The following POLE variants were observed in gnomAD, a reference collection of about 807,000 sequenced individuals.
POLE encodes the protein DNA polymerase epsilon, catalytic subunit.
A neutral mutation model predicts 279.2 loss-of-function variants in POLE; 188 were observed. The observed-to-expected ratio is 0.67, with a 90% confidence interval of 0.60 to 0.76. The LOEUF (loss-of-function observed/expected upper bound fraction) is 0.76, where lower values mean the gene tolerates loss of function less well. Among genes scored for constraint, POLE ranks in the 30% least tolerant of loss-of-function variants. The pLI is 0.00. For missense variants in POLE, 2,703 were observed against 3,016.7 expected (o/e 0.90, Z 2.44); for synonymous variants, 1,214 against 1,172.5 (o/e 1.04, Z -0.72).
Position 132,643,381 on chromosome 12 carries a change from T to A in POLE, c.4444+26A>T, listed in dbSNP as rs542469315. 2.0e-5 allele frequency: 33 copies of A among 1,614,176 alleles called. No individual in the cohort carries two copies. The African/African-American group carries it at 4.0e-4, about 20-fold the overall frequency. On this transcript the variant is annotated intron_variant, in intron 34 of 48. Coordinates refer to ENST00000320574, the MANE Select transcript of POLE (RefSeq NM_006231.4). ...CCCAGATGTGTGGGAGGCAGGCACA[T>A]GATGGGCGGCTGGTGCAGGCCATAC...
intron 20 of POLE, among the ~76,000 whole-genome samples, chr12:132,666,236 T>G (rs572737194): frequency 2.0e-4 from 30 of 152,380 alleles, no homozygotes; most frequent in African/African-American, 7.2e-4. Flanking sequence ...TGAAATATTA[T>G]TCAGCCATTT....
In POLE at chr12:132,626,179, T is replaced by C. The variant is rs1172604164; in HGVS notation, c.6469A>G (p.Ile2157Val). The change falls in exon 46 of 49, where the codon ATC (isoleucine) becomes GTC (valine). Residue 2157 changes from isoleucine (I) to valine (V), a missense_variant. Ile to Val is a conservative substitution (Grantham distance 29). This residue lies in a region of POLE where 1,551 missense variants were observed against 1,686.1 expected (regional missense o/e 0.92). Coordinates refer to ENST00000320574, the MANE Select transcript of POLE (RefSeq NM_006231.4). ...CGGCAGAAGTTACAGCTGCGGCAGATGACCTCAGGAAGCACGTAGGAGCGG... is the reference window on the plus strand; with the variant it reads ...CGGCAGAAGTTACAGCTGCGGCAGACGACCTCAGGAAGCACGTAGGAGCGG... ...PCRSYVLPEV[I>V]CRSCNFCRDL... 3 of 1,613,150 alleles carry C rather than the reference T, an allele frequency of 1.9e-6. No homozygotes were observed. Among genetic ancestry groups the C allele is most frequent in the African/African-American group, 1.3e-5 (1 of 75,014 alleles).
At position 132,667,622 on chromosome 12, in the gene POLE, T is replaced by A. The variant is rs776323425; in HGVS notation, c.2200A>T (p.Ile734Phe). The A allele has an allele frequency of 6.2e-7, 1 of 1,614,136 alleles. No homozygotes were observed. The highest frequency in any genetic ancestry group is 8.5e-7 in the Non-Finnish European group (1 of 1,180,004). The change falls in exon 20 of 49, where the codon ATC becomes TTC. Residue 734 changes from isoleucine (I) to phenylalanine (F), a missense_variant. By Grantham distance (21) the Ile-to-Phe change is conservative. Around this residue, in one of 5 missense-constraint regions of POLE, gnomAD observed 1,011 missense variants for 1,111.7 expected, o/e 0.91. Coordinates refer to ENST00000320574, the MANE Select transcript of POLE (RefSeq NM_006231.4). Reference sequence around the variant, plus strand: ...CGCTCTTCCACCTTGGTGATGTGGATCTTCTTGTAGGCTTTCCGGCAGTAA... The same window carrying A: ...CGCTCTTCCACCTTGGTGATGTGGAACTTCTTGTAGGCTTTCCGGCAGTAA... ...ADYCRKAYKK[I>F]HITKVEERLT...
intron 16 of POLE, among the ~76,000 whole-genome samples, chr12:132,669,735 G>A (rs879664687): frequency 6.6e-6 from 1 of 152,190 alleles, no homozygotes; most frequent in Non-Finnish European, 1.5e-5. Context: ...GCTGGGACAA[G>A]TGAATGGCCA....
At chr12:132,650,136 GA>G in intron 29 of POLE, 1 of 501,494 alleles carries the variant, frequency 2.0e-6, no homozygotes, top group Non-Finnish European at 3.6e-6. Flanking sequence ...TTGAACCCAG[GA>G]GTTGGAGGCT....
chr12:132,637,362 C>T (rs2042054267), intron 41 of POLE, among the ~76,000 whole-genome samples: 1 of 152,238 alleles, frequency 6.6e-6, no homozygotes, highest in African/African-American at 2.4e-5. Flanking sequence ...CAACTCCCCT[C>T]TGTGCTCAGA....
Position 132,624,010 on chromosome 12 carries a change from G to A in POLE, c.*687C>T, listed in dbSNP as rs1363502508. On this transcript the variant is annotated 3_prime_UTR_variant, in exon 49 of 49. Coordinates refer to ENST00000320574, the MANE Select transcript of POLE (RefSeq NM_006231.4). ...CTGCTTCCAGCTGGTCCTGTGTGGA[G>A]GTGAAGGACAAGGGCTGCAGTGAGC... is the stretch of plus-strand genomic sequence containing the variant. The A allele has an allele frequency of 5.1e-6, 1 of 197,160 alleles. No homozygotes were observed. The highest frequency in any genetic ancestry group is 1.0e-5 in the Non-Finnish European group (1 of 95,240). The allele number at this position is 197,160 out of a possible 1,614,324, so 12.2% of individuals were successfully genotyped here. A position where few individuals can be genotyped will look rare whatever the true frequency, so the allele number is the denominator to read the frequency against.
Position 132,664,558 on chromosome 12 carries a change from C to A in POLE, c.2469-96G>T, listed in dbSNP as rs5744832. 83,339 of 903,652 alleles carry A rather than the reference C, an allele frequency of 0.092. 4,469 individuals are homozygous for A. The highest frequency in any genetic ancestry group is 0.11 in the East Asian group (4,268 of 39,646). 56.0% of individuals were successfully genotyped at this position (903,652 alleles called of 1,614,324 possible). ...AGTAGGGAGGAGGAAAGGAGAGATG[C>A]GACAGGGACAAGGGAAGCAGCCAAA... On this transcript the variant is annotated intron_variant, in intron 21 of 48. Coordinates refer to ENST00000320574, the MANE Select transcript of POLE (RefSeq NM_006231.4). This position sits in a 1 kb window ranked among gnomAD's most constrained non-coding sequence, Gnocchi z 5.3.
chr12:132,644,048 C>T (rs2138563966), intron 32 of POLE, 71 bp from the exon 33 acceptor site: 1 of 1,509,014 alleles, frequency 6.6e-7, no homozygotes, highest in South Asian at 1.2e-5. Context: ...ACACAAAGCA[C>T]ACGCTATTCG....
In POLE at chr12:132,657,337, C is replaced by A. The variant is rs1485726763; in HGVS notation, c.3459+12G>T. ...TTAGCCCCACAGCCCGTGCCACTGA[C>A]CCCGCCCTTACCTGCTGCAGGGCCG... On this transcript the variant is annotated intron_variant, in intron 28 of 48. Transcript: ENST00000320574. The A allele has an allele frequency of 1.2e-6, 2 of 1,614,094 alleles. No individual in the cohort carries two copies. The highest frequency in any genetic ancestry group is 1.7e-6 in the Non-Finnish European group (2 of 1,179,994).
chr12:132,683,324 G>A (rs930827395), intron 1 of POLE, among the ~76,000 whole-genome samples: 1 of 152,192 alleles, frequency 6.6e-6, no homozygotes, highest in Non-Finnish European at 1.5e-5. Context: ...GGATGGGAGA[G>A]AGAGGGTAGG....
chr12:132,638,016 G>C lies in POLE; in HGVS notation c.5676C>G (p.Ser1892Arg), dbSNP rs2042068018. Residue 1892 changes from serine (S) to arginine (R), a missense_variant and splice_region_variant, in exon 41 of 49, where the codon AGC becomes AGG. Ser to Arg is a moderately radical substitution (Grantham distance 110). Transcript: ENST00000320574. The part of the protein sequence containing the change: ...DAIAYVEYIT[S>R]SIHSKETFHS... ...TCACCAGGACCAGCCAGCCGCACCT[G>C]CTGGTGATGTACTCCACGTAAGCGA... 1 of 1,613,704 alleles carries C rather than the reference G, an allele frequency of 6.2e-7. No individual in the cohort carries two copies. The highest frequency in any genetic ancestry group is 8.5e-7 in the Non-Finnish European group (1 of 1,179,726).
At chr12:132,645,427 T>A (rs1386263245) in intron 32 of POLE, among the ~76,000 whole-genome samples, 1 of 152,120 alleles carries the variant, frequency 6.6e-6, no homozygotes, top group Admixed American at 6.5e-5. Flanking sequence ...GCACCCTAGC[T>A]TCATGCATGA....
intron 26 of POLE, 199 bp from the exon 27 acceptor site, chr12:132,658,169 C>A (rs912081073): frequency 1.1e-5 from 6 of 522,336 alleles, no homozygotes; most frequent in Non-Finnish European, 2.1e-5. Context: ...TGTGTAAACA[C>A]GTGCGTGTGT....
chr12:132,648,333 G>A lies in POLE; in HGVS notation c.4149+596C>T, dbSNP rs954311611. On this transcript the variant is annotated intron_variant, in intron 32 of 48. Coordinates refer to ENST00000320574, the MANE Select transcript of POLE (RefSeq NM_006231.4). The stretch of plus-strand genomic sequence containing the variant: ...TCTTTTTGGAGTGATGAAAATATCC[G>A]AATGGGGGGGTGAGGGGAGGGGGAA... Among the ~76,000 whole-genome samples, 6 of 150,738 alleles carry A rather than the reference G, an allele frequency of 4.0e-5. No individual in the cohort carries two copies. The South Asian group carries it at 8.5e-4, about 21-fold the overall frequency.
At chr12:132,673,501 T>C in intron 13 of POLE, 74 bp downstream of exon 13, 1 of 1,561,212 alleles carries the variant, frequency 6.4e-7, no homozygotes, top group Non-Finnish European at 8.7e-7. Flanking sequence ...GTGGCTCACA[T>C]GCCTGGGGCT....
At position 132,687,265 on chromosome 12, in the gene POLE, G is replaced by C. The variant is rs780436496; in HGVS notation, c.51C>G (p.Gly17=). The change falls in exon 1 of 49, where the codon GGC becomes GGG. Residue 17 remains glycine, a synonymous_variant. Coordinates refer to ENST00000320574, the MANE Select transcript of POLE (RefSeq NM_006231.4). ...GRRRADPGAD[G]EASRDDGATS... Reference sequence around the variant, plus strand: ...AGGGCGCCCCTCACCTGCTGGCCTCGCCATCCGCGCCTGGGTCCGCGCGCC... The same window carrying C: ...AGGGCGCCCCTCACCTGCTGGCCTCCCCATCCGCGCCTGGGTCCGCGCGCC... 4.0e-4 allele frequency: 594 copies of C among 1,497,356 alleles called. 3 individuals carry two copies. The African/African-American group carries it at 7.6e-3, about 19-fold the overall frequency. The allele number at this position is 1,497,356 out of a possible 1,614,324, so 92.8% of individuals were successfully genotyped here.
chr12:132,624,362 C>G lies in POLE; in HGVS notation c.*335G>C. On this transcript the variant is annotated 3_prime_UTR_variant, in exon 49 of 49. Coordinates refer to ENST00000320574, the MANE Select transcript of POLE (RefSeq NM_006231.4). Reference sequence around the variant, plus strand: ...AAGAACTAGGGGCACCTAGAGGACGCTCCCACCCCACCAGGTGTGGTGCAG... The same window carrying G: ...AAGAACTAGGGGCACCTAGAGGACGGTCCCACCCCACCAGGTGTGGTGCAG... 1 of 410,536 alleles carries G rather than the reference C, an allele frequency of 2.4e-6. No individual in the cohort carries two copies. Among genetic ancestry groups the G allele is most frequent in the Non-Finnish European group, 4.5e-6 (1 of 222,320 alleles). 25.4% of individuals were successfully genotyped at this position (410,536 alleles called of 1,614,324 possible).
chr12:132,668,249 C>T lies in POLE; in HGVS notation c.2173+107G>A, dbSNP rs2135973544. The T allele has an allele frequency of 1.5e-6, 2 of 1,356,790 alleles. No homozygotes were observed. The highest frequency in any genetic ancestry group is 4.9e-5 in the East Asian group (2 of 41,032). The allele number at this position is 1,356,790 out of a possible 1,614,324, so 84.0% of individuals were successfully genotyped here. On this transcript the variant is annotated intron_variant, in intron 19 of 48. Coordinates refer to ENST00000320574, the MANE Select transcript of POLE (RefSeq NM_006231.4). The surrounding 1 kb of genome is among the most constrained non-coding windows in gnomAD (Gnocchi z 4.0). ...TAGAGCAGCTTCTGGTCTGCTGTGA[C>T]AACACCTCTGGGGCCCCAGCTGGGA...
Sources: allele counts gnomAD v4.1 joint callset (sites outside exome capture counted in the v4.1 genomes callset), GRCh38; gene constraint gnomAD v4.1.1; regional missense constraint gnomAD v4.1.1; non-coding constraint Gnocchi (gnomAD v3.1); transcripts MANE v1.5; gene names NCBI Gene and HGNC (gene_info 2026-07-23, HGNC 2026-07-21).